Variants in CDH4 observed in about 807,000 individuals in gnomAD.
The protein encoded by CDH4 is cadherin-4.
In CDH4, 33 loss-of-function variants were observed where a neutral mutation model predicts 86.0. That is an observed-to-expected ratio of 0.38 (90% CI 0.29 to 0.51). The LOEUF (loss-of-function observed/expected upper bound fraction) is 0.51, where lower values mean the gene tolerates loss of function less well. CDH4 is among the 20% of genes least tolerant of loss of function. The probability of loss-of-function intolerance (pLI) is 0.86; values close to 1 mark genes in which losing one functional copy is unlikely to be tolerated. For missense variants in CDH4, 1,114 were observed against 1,307.4 expected, an observed-to-expected ratio of 0.85 and a Z score of 2.28; for synonymous variants, 555 against 549.4, an observed-to-expected ratio of 1.01 and a Z score of -0.14.
intron 2 of CDH4, among the ~76,000 whole-genome samples, chr20:61,408,736 G>GA (rs11481475): frequency 0.91 from 139,242 of 152,184 alleles, 63,934 homozygotes; most frequent in East Asian, 1. Context: ...CAACACCATG[G>GA]AATCACATGA....
intron 2 of CDH4, among the ~76,000 whole-genome samples, chr20:61,654,955 G>A (rs1259016876): frequency 6.6e-6 from 1 of 152,190 alleles, no homozygotes; most frequent in African/African-American, 2.4e-5. Flanking sequence ...GGACACGGGG[G>A]CCTGAGCCCA....
intron 2 of CDH4, among the ~76,000 whole-genome samples, chr20:61,387,783 C>CACCAGCTTTTCCGT (rs2084960218): frequency 6.6e-6 from 1 of 152,030 alleles, no homozygotes; most frequent in Non-Finnish European, 1.5e-5. Flanking sequence ...AGCTTTTCCG[C>CACCAGCTTTTCCGT]AGTGAGAGCA....
At chr20:61,697,661 C>T (rs2087729345) in intron 2 of CDH4, among the ~76,000 whole-genome samples, 1 of 152,142 alleles carries the variant, frequency 6.6e-6, no homozygotes, top group African/African-American at 2.4e-5. Flanking sequence ...CCCTGTGTTC[C>T]AGAACCCAGC....
rs868773211 is a variant in CDH4 at position 61,663,304 on chromosome 20, G to A, written c.170-80259G>A. 3.9e-5 allele frequency among the ~76,000 whole-genome samples: 6 copies of A among 152,240 alleles called. No individual in the cohort carries two copies. Among genetic ancestry groups the A allele is most frequent in the Admixed American group, 6.5e-5 (1 of 15,286 alleles). On this transcript the variant is annotated intron_variant, in intron 2 of 15. Transcript: ENST00000614565. The surrounding 1 kb of genome is among the most constrained non-coding windows in gnomAD (Gnocchi z 5.0). ...TCCACGCAGGAAAGGAGTGGCACCC[G>A]CAGGAGGCCTGTGCTGCGGAGCTCC...
intron 2 of CDH4, among the ~76,000 whole-genome samples, chr20:61,562,523 G>A (rs1246784863): frequency 6.6e-6 from 1 of 152,204 alleles, no homozygotes; most frequent in Non-Finnish European, 1.5e-5. Context: ...GAAACTGGGG[G>A]GATTGGTCCG....
chr20:61,629,834 G>A (rs113041633), intron 2 of CDH4, among the ~76,000 whole-genome samples: 5 of 152,288 alleles, frequency 3.3e-5, no homozygotes, highest in South Asian at 2.1e-4. Context: ...AGTCCGATGC[G>A]GCGCCTTCCT....
chr20:61,316,715 GA>G (rs2084477917), intron 2 of CDH4, among the ~76,000 whole-genome samples: 1 of 152,242 alleles, frequency 6.6e-6, no homozygotes, highest in Admixed American at 6.5e-5. Context: ...GAAAAAGGAT[GA>G]AAGTGAAGTT....
At chr20:61,460,963 T>C (rs2145558553) in intron 2 of CDH4, among the ~76,000 whole-genome samples, 1 of 152,228 alleles carries the variant, frequency 6.6e-6, no homozygotes, top group Non-Finnish European at 1.5e-5. Flanking sequence ...CAGACCCCTC[T>C]CCCTGGGCTG....
intron 2 of CDH4, among the ~76,000 whole-genome samples, chr20:61,449,482 T>G (rs2085368904): frequency 6.6e-6 from 1 of 152,204 alleles, no homozygotes; most frequent in Non-Finnish European, 1.5e-5. Context: ...GCCTGTGACG[T>G]GGGGATATTT....
chr20:61,756,256 G>T (rs1568797925), intron 3 of CDH4, among the ~76,000 whole-genome samples: 1 of 151,440 alleles, frequency 6.6e-6, no homozygotes, highest in Non-Finnish European at 1.5e-5. Flanking sequence ...CCTGGCCAGG[G>T]GCTCGGCTTC....
chr20:61,677,037 G>T (rs1239233935), intron 2 of CDH4, among the ~76,000 whole-genome samples: 1 of 152,172 alleles, frequency 6.6e-6, no homozygotes, highest in Non-Finnish European at 1.5e-5. Context: ...GAGAGGACAG[G>T]TGCAGTAGGT....
In CDH4 at chr20:61,623,341, G is replaced by T. The variant is rs1487059176; in HGVS notation, c.170-120222G>T. The stretch of plus-strand genomic sequence containing the variant: ...GGCTGCCTTCCTAGGGGAGCATGGT[G>T]ACAGCTTCCTGTCTGTTACCTTTCC... On this transcript the variant is annotated intron_variant, in intron 2 of 15. Transcript: ENST00000614565. The surrounding 1 kb of genome is among the most constrained non-coding windows in gnomAD (Gnocchi z 4.4). 2.0e-5 allele frequency among the ~76,000 whole-genome samples: 3 copies of T among 152,114 alleles called. No individual in the cohort carries two copies.
intron 2 of CDH4, among the ~76,000 whole-genome samples, chr20:61,495,080 C>A (rs1277355711): frequency 1.3e-5 from 2 of 152,238 alleles, no homozygotes; most frequent in Non-Finnish European, 2.9e-5. Context: ...AGAACAAGGG[C>A]AGGGCCCCCA....
intron 11 of CDH4, among the ~76,000 whole-genome samples, chr20:61,927,978 G>C (rs1486421819): frequency 6.6e-6 from 1 of 152,256 alleles, no homozygotes; most frequent in East Asian, 1.9e-4. Flanking sequence ...CATGGCGTGT[G>C]GCAGGGTGTC....
intron 2 of CDH4, among the ~76,000 whole-genome samples, chr20:61,470,504 C>T (rs1426361141): frequency 2.0e-5 from 3 of 152,086 alleles, no homozygotes; most frequent in African/African-American, 4.8e-5. Context: ...TCAACTTCTT[C>T]CTTTTCAATT....
chr20:61,603,012 G>T (rs1181897593), intron 2 of CDH4, among the ~76,000 whole-genome samples: 2 of 152,260 alleles, frequency 1.3e-5, no homozygotes, highest in African/African-American at 4.8e-5. Flanking sequence ...TTTGGATTAA[G>T]CAACCATTTT....
At chr20:61,818,025 TTTTTCTTTTC>T (rs879905048) in intron 4 of CDH4, among the ~76,000 whole-genome samples, 10 of 152,040 alleles carry the variant, frequency 6.6e-5, no homozygotes, top group African/African-American at 9.7e-5. Context: ...TTCTTTTTTT[TTTTTCTTTTC>T]TTTTCTTTTT....
chr20:61,365,217 G>A (rs903417127), intron 2 of CDH4, among the ~76,000 whole-genome samples: 1 of 152,148 alleles, frequency 6.6e-6, no homozygotes, highest in Non-Finnish European at 1.5e-5. Context: ...TGTTGTTTTG[G>A]TTCCTAGCTG....
intron 2 of CDH4, among the ~76,000 whole-genome samples, chr20:61,631,406 G>A (rs1196049905): frequency 2.0e-5 from 3 of 152,200 alleles, no homozygotes; most frequent in South Asian, 4.1e-4. Context: ...TTGGGAGACC[G>A]AGGAGGGCAG....
Sources: allele counts gnomAD v4.1 joint callset (sites outside exome capture counted in the v4.1 genomes callset), GRCh38; gene constraint gnomAD v4.1.1; non-coding constraint Gnocchi (gnomAD v3.1); transcripts MANE v1.5; gene names NCBI Gene and HGNC (gene_info 2026-07-23, HGNC 2026-07-21).